Variants in GANC observed in about 807,000 individuals in gnomAD.
The protein encoded by GANC is neutral alpha-glucosidase C.
GANC carries 117 observed loss-of-function variants against 124.2 expected under a neutral mutation model. The ratio of observed to expected loss-of-function variants is 0.94; its 90% CI spans 0.81 to 1.10. The LOEUF (loss-of-function observed/expected upper bound fraction) is 1.10. Ranked by LOEUF, GANC falls within the 50% of genes least tolerant of loss-of-function variation. The pLI is 0.00. For synonymous variants in GANC, 377 were observed against 376.8 expected (o/e 1.00, Z -0.01); for missense variants, 1,140 against 1,095.0 (o/e 1.04, Z -0.58).
intron 6 of GANC, among the ~76,000 whole-genome samples, chr15:42,300,878 C>T (rs577679344): frequency 2.0e-5 from 3 of 151,988 alleles, no homozygotes; most frequent in Admixed American, 6.6e-5. Context: ...ATTAGCTGGG[C>T]GTGGTAGTGC....
chr15:42,346,174 G>A (rs1441631799), intron 20 of GANC, among the ~76,000 whole-genome samples: 1 of 152,208 alleles, frequency 6.6e-6, no homozygotes, highest in Non-Finnish European at 1.5e-5. Flanking sequence ...ACTCCATAAA[G>A]GCCTGATCTC....
At chr15:42,298,440 A>C (rs1420791158) in intron 6 of GANC, among the ~76,000 whole-genome samples, 1 of 152,196 alleles carries the variant, frequency 6.6e-6, no homozygotes, top group Non-Finnish European at 1.5e-5. Context: ...ATCATTGAAA[A>C]ATATAAGTCC....
chr15:42,294,441 G>A (rs1485063747), intron 5 of GANC, among the ~76,000 whole-genome samples: 1 of 150,350 alleles, frequency 6.7e-6, no homozygotes, highest in African/African-American at 2.5e-5. Context: ...CAGGTATAGT[G>A]GCACATGCCT....
In GANC at chr15:42,352,584, T is replaced by TC; in HGVS notation, c.*451dup. 9.9e-7 allele frequency: 1 copy of TC among 1,009,460 alleles called. No homozygotes were observed. The allele number at this position is 1,009,460 out of a possible 1,614,324, so 62.5% of individuals were successfully genotyped here. On this transcript the variant is annotated 3_prime_UTR_variant, in exon 24 of 24. Transcript: ENST00000318010. Reference sequence around the variant, plus strand: ...CCAAGTGGACAGCAGCCTCTGGTACTCCCCCCAGTTATCTTCCACCCACAT... The same window carrying TC: ...CCAAGTGGACAGCAGCCTCTGGTACTCCCCCCCAGTTATCTTCCACCCACAT...
Position 42,273,499 on chromosome 15 carries a change from G to A in GANC, c.-983G>A. On this transcript the variant is annotated 5_prime_UTR_variant, in exon 1 of 24. Transcript: ENST00000318010. ...TAAGGGCGGGATTATCCGGGTCCTG[G>A]AAACGTCGCGGAGCTTGTTTGCTGT... The A allele has an allele frequency of 2.0e-6, 3 of 1,537,368 alleles. No homozygotes were observed. The highest frequency in any genetic ancestry group is 2.6e-6 in the Non-Finnish European group (3 of 1,144,684).
chr15:42,306,506 A>G, intron 6 of GANC, 40 bp from the exon 7 acceptor site: 2 of 1,510,854 alleles, frequency 1.3e-6, no homozygotes, highest in South Asian at 1.2e-5. Context: ...CATTTGTTGC[A>G]ATTTGTAAAC....
intron 3 of GANC, among the ~76,000 whole-genome samples, chr15:42,283,339 G>A (rs1013743487): frequency 3.9e-5 from 6 of 152,188 alleles, no homozygotes; most frequent in African/African-American, 1.2e-4. Context: ...AAAGTGATCA[G>A]GAAAGTGTTG....
chr15:42,314,997 G>A (rs1238862486), intron 10 of GANC, among the ~76,000 whole-genome samples: 1 of 152,116 alleles, frequency 6.6e-6, no homozygotes, highest in Non-Finnish European at 1.5e-5. Flanking sequence ...GCAGCATAAG[G>A]ACTTCAACCT....
At chr15:42,305,179 C>T (rs6493040) in intron 6 of GANC, among the ~76,000 whole-genome samples, 138,398 of 152,120 alleles carry the variant, frequency 0.91, 64,312 homozygotes, top group Non-Finnish European at 1. Context: ...AAGCAACCTA[C>T]AGAATGGGAG....
Position 42,306,662 on chromosome 15 carries a change from T to C in GANC, c.625+50T>C, listed in dbSNP as rs1166436420. On this transcript the variant is annotated intron_variant, in intron 7 of 23. Transcript: ENST00000318010. ...TAAAACAGATCATTCTAAAAATGTC[T>C]ACATAATTCTATCAAAAAGCCCCTT... is the stretch of plus-strand genomic sequence containing the variant. 8.6e-6 allele frequency: 11 copies of C among 1,277,980 alleles called. No individual in the cohort carries two copies. In the Middle Eastern group the frequency reaches 8.8e-4, roughly 102 times the overall value. 79.2% of individuals were successfully genotyped at this position (1,277,980 alleles called of 1,614,324 possible).
intron 3 of GANC, chr15:42,281,136 A>G (rs1180070018): frequency 2.8e-6 from 2 of 702,328 alleles, no homozygotes; most frequent in Admixed American, 4.0e-5. Flanking sequence ...ATGCTCAGGT[A>G]TTAGAAATAT....
At chr15:42,337,426 A>C (rs768415900) in intron 15 of GANC, among the ~76,000 whole-genome samples, 6 of 152,152 alleles carry the variant, frequency 3.9e-5, no homozygotes, top group Non-Finnish European at 5.9e-5. Context: ...ATGGAGTTGG[A>C]GGCCATTATC....
intron 7 of GANC, among the ~76,000 whole-genome samples, 171 bp downstream of exon 7, chr15:42,306,783 G>A (rs1054453552): frequency 1.3e-5 from 2 of 152,190 alleles, no homozygotes; most frequent in Non-Finnish European, 2.9e-5. Flanking sequence ...CAGAGAAATA[G>A]CAATTATTTG....
chr15:42,345,336 G>T (rs2052355404), intron 19 of GANC, among the ~76,000 whole-genome samples: 1 of 151,088 alleles, frequency 6.6e-6, no homozygotes, highest in African/African-American at 2.4e-5. Flanking sequence ...CCTGCAATGT[G>T]CTTGTCTTCT....
At chr15:42,304,069 A>G (rs991218220) in intron 6 of GANC, among the ~76,000 whole-genome samples, 1 of 152,220 alleles carries the variant, frequency 6.6e-6, no homozygotes, top group Non-Finnish European at 1.5e-5. Flanking sequence ...TCAGCACCGC[A>G]TCGCACTTAC....
At chr15:42,336,900 C>CA (rs1288592142) in intron 15 of GANC, among the ~76,000 whole-genome samples, 2 of 152,120 alleles carry the variant, frequency 1.3e-5, no homozygotes, top group African/African-American at 4.8e-5. Flanking sequence ...CATCACTGAT[C>CA]AATAGAAAAA....
At chr15:42,315,058 T>C (rs2052090509) in intron 10 of GANC, among the ~76,000 whole-genome samples, 2 of 152,234 alleles carry the variant, frequency 1.3e-5, no homozygotes, top group Non-Finnish European at 2.9e-5. Context: ...AGGCACGTAC[T>C]CAGTATCTTT....
At chr15:42,349,696 A>G (rs1299443239) in intron 22 of GANC, among the ~76,000 whole-genome samples, 1 of 151,804 alleles carries the variant, frequency 6.6e-6, no homozygotes, top group Non-Finnish European at 1.5e-5. Flanking sequence ...CGCTCAGACT[A>G]GAGTGCAGTG....
chr15:42,339,760 T>C lies in GANC; in HGVS notation c.1935T>C (p.His645=), dbSNP rs200432705. 8.9e-4 allele frequency: 1,435 copies of C among 1,614,154 alleles called. 29 individuals are homozygous for C. The South Asian group carries it at 0.014, about 16-fold the overall frequency. The change falls in exon 17 of 24, where the codon CAT becomes CAC. Residue 645 remains histidine (H), a synonymous_variant. Transcript: ENST00000318010. Reference sequence around the variant, plus strand: ...CCTACCAGCCCTTCTTCCGTGGCCATGCCACCATGAACACCAAGCGACGAG... The same window carrying C: ...CCTACCAGCCCTTCTTCCGTGGCCACGCCACCATGAACACCAAGCGACGAG... The part of the protein sequence containing the change: ...AGAYQPFFRG[H]ATMNTKRREP...
Sources: allele counts gnomAD v4.1 joint callset (sites outside exome capture counted in the v4.1 genomes callset), GRCh38; gene constraint gnomAD v4.1.1; transcripts MANE v1.5; gene names NCBI Gene and HGNC (gene_info 2026-07-23, HGNC 2026-07-21).